SLIT2: variants seen among roughly 807,000 people sequenced by gnomAD.
The protein encoded by SLIT2 is slit guidance ligand 2, also known as slit homolog 2 protein.
In SLIT2, 41 loss-of-function variants were observed where a neutral mutation model predicts 185.7. The observed-to-expected ratio is 0.22, with a 90% confidence interval of 0.17 to 0.29. The LOEUF is 0.29. SLIT2 is among the 10% of genes least tolerant of loss of function. The pLI, the probability that SLIT2 is intolerant of heterozygous loss-of-function variation, is 1.00. For missense variants in SLIT2, 1,571 were observed against 1,909.0 expected, an observed-to-expected ratio of 0.82 and a Z score of 3.30; for synonymous variants, 693 against 680.2, an observed-to-expected ratio of 1.02 and a Z score of -0.29.
At chr4:20,349,657 C>A (rs1347997200) in intron 4 of SLIT2, among the ~76,000 whole-genome samples, 1 of 152,122 alleles carries the variant, frequency 6.6e-6, no homozygotes, top group Non-Finnish European at 1.5e-5. Context: ...CATGAATTCC[C>A]CAAATTGCTT....
rs547598595 is a variant in SLIT2, at chr4:20,458,195, A to G, written c.396-9557A>G. On this transcript the variant is annotated intron_variant, in intron 4 of 36. Transcript: ENST00000504154. The stretch of plus-strand genomic sequence containing the variant: ...TTAACACCAGTGAACTGTACACTTC[A>G]AAGTGGGTGAAATGGTAAATTTCAT... Among the ~76,000 whole-genome samples the G allele has an allele frequency of 5.3e-4, 80 of 152,220 alleles. No individual in the cohort carries two copies. The South Asian group carries it at 0.015, about 28-fold the overall frequency.
chr4:20,452,184 T>C (rs527334220), intron 4 of SLIT2, among the ~76,000 whole-genome samples: 1 of 152,292 alleles, frequency 6.6e-6, no homozygotes, highest in East Asian at 1.9e-4. Flanking sequence ...ACTCCAAGCA[T>C]CTTTTTAAGC....
At chr4:20,466,080 T>C (rs1265482256) in intron 4 of SLIT2, among the ~76,000 whole-genome samples, 4 of 152,114 alleles carry the variant, frequency 2.6e-5, no homozygotes, top group Non-Finnish European at 5.9e-5. Flanking sequence ...TGTAAACAGA[T>C]TCAAATTTTC....
chr4:20,345,537 C>CTTTTTTT (rs149402460), intron 4 of SLIT2, among the ~76,000 whole-genome samples: 17 of 112,312 alleles, frequency 1.5e-4, no homozygotes, highest in South Asian at 2.8e-4. Context: ...TTCCTTTTTT[C>CTTTTTTT]TTTTTTCTTT....
At chr4:20,360,524 C>T (rs1722656731) in intron 4 of SLIT2, among the ~76,000 whole-genome samples, 1 of 152,044 alleles carries the variant, frequency 6.6e-6, no homozygotes. Context: ...AGAACAATAA[C>T]TTTGATTTCA....
intron 3 of SLIT2, among the ~76,000 whole-genome samples, chr4:20,268,173 A>G (rs748359694): frequency 3.3e-5 from 5 of 151,906 alleles, no homozygotes; most frequent in Non-Finnish European, 7.4e-5. Context: ...CAATTTACTT[A>G]GACATTTTAA....
chr4:20,389,792 C>T (rs1045882099), intron 4 of SLIT2, among the ~76,000 whole-genome samples: 1 of 152,058 alleles, frequency 6.6e-6, no homozygotes, highest in East Asian at 1.9e-4. Context: ...TAGAAACACC[C>T]AGGTACCAGT....
chr4:20,354,731 G>A (rs552103775), intron 4 of SLIT2, among the ~76,000 whole-genome samples: 1 of 152,082 alleles, frequency 6.6e-6, no homozygotes, highest in African/African-American at 2.4e-5. Flanking sequence ...AAATGGTAGA[G>A]GAAACTATAG....
chr4:20,596,761 A>C, intron 32 of SLIT2, 106 bp downstream of exon 32: 1 of 1,085,514 alleles, frequency 9.2e-7, no homozygotes, highest in Non-Finnish European at 1.3e-6. Flanking sequence ...TCTTAAATAG[A>C]CAGTTAAAAA....
At chr4:20,539,653 A>G in intron 19 of SLIT2, 69 bp downstream of exon 19, 10 of 967,922 alleles carry the variant, frequency 1.0e-5, no homozygotes, top group Non-Finnish European at 1.4e-5. Flanking sequence ...TATTTAATAT[A>G]TTATTAAGCA....
At chr4:20,301,688 T>A (rs950935371) in intron 4 of SLIT2, among the ~76,000 whole-genome samples, 7 of 152,158 alleles carry the variant, frequency 4.6e-5, no homozygotes, top group Non-Finnish European at 1.0e-4. Context: ...GAGATATTAG[T>A]AGAGGAGGAT....
chr4:20,253,718 C>A lies in SLIT2; in HGVS notation c.-98C>A. The A allele has an allele frequency of 6.9e-7, 1 of 1,446,856 alleles. No individual in the cohort carries two copies. The highest frequency in any genetic ancestry group is 1.3e-5 in the South Asian group (1 of 79,740). 89.6% of individuals were successfully genotyped at this position (1,446,856 alleles called of 1,614,324 possible). ...TTCCCTGGCACTCTGGGTTGCTAGC[C>A]CCGCCGGGCACTGGGCCTCAGACAC... On this transcript the variant is annotated 5_prime_UTR_variant, in exon 1 of 37. Coordinates refer to ENST00000504154, the MANE Select transcript of SLIT2 (RefSeq NM_004787.4).
At chr4:20,547,355 C>T (rs987531821) in intron 22 of SLIT2, among the ~76,000 whole-genome samples, 1 of 151,928 alleles carries the variant, frequency 6.6e-6, no homozygotes, top group Non-Finnish European at 1.5e-5. Flanking sequence ...CAAGCCAGCT[C>T]GAAATGACAA....
intron 4 of SLIT2, among the ~76,000 whole-genome samples, chr4:20,416,732 GA>G (rs1727720906): frequency 6.6e-6 from 1 of 152,150 alleles, no homozygotes; most frequent in African/African-American, 2.4e-5. Context: ...AAACAATTAA[GA>G]AATTTAAGAA....
In SLIT2 at chr4:20,616,933, G is replaced by T. The variant is rs765899590; in HGVS notation, c.3871G>T (p.Ala1291Ser). The T allele has an allele frequency of 6.2e-7, 1 of 1,604,112 alleles. No homozygotes were observed. The highest frequency in any genetic ancestry group is 1.3e-5 in the African/African-American group (1 of 74,760). ...VGGMPGKSNV[A>S]SLRQAPGQNG... ...AGGCATGCCAGGGAAGAGTAACGTG[G>T]CATCTCTGCGCCAGGCCCCTGGGCA... is the stretch of plus-strand genomic sequence containing the variant. The change falls in exon 35 of 37, where the codon GCA becomes TCA. Residue 1291 changes from alanine to serine, a missense_variant. Around this residue, in one of 3 missense-constraint regions of SLIT2, gnomAD observed 146 missense variants for 247.4 expected, o/e 0.59. Transcript: ENST00000504154.
chr4:20,610,277 G>T, intron 34 of SLIT2, 110 bp downstream of exon 34: 1 of 904,172 alleles, frequency 1.1e-6, no homozygotes, highest in Non-Finnish European at 1.6e-6. Context: ...TTGACCAATA[G>T]TGATCAATCA....
intron 18 of SLIT2, 62 bp from the exon 19 acceptor site, chr4:20,539,379 G>C: frequency 6.9e-7 from 1 of 1,455,926 alleles, no homozygotes; most frequent in East Asian, 2.4e-5. Context: ...TCGATCCTCA[G>C]ATAGGCAAAA....
intron 5 of SLIT2, among the ~76,000 whole-genome samples, chr4:20,470,418 A>G (rs80238829): frequency 0.035 from 5,379 of 151,824 alleles, 112 homozygotes; most frequent in East Asian, 0.058. Flanking sequence ...AGGAAACAGA[A>G]AAGTATCGCT....
At chr4:20,339,064 G>GCCTGCAT (rs1322565677) in intron 4 of SLIT2, among the ~76,000 whole-genome samples, 1 of 126,182 alleles carries the variant, frequency 7.9e-6, no homozygotes, top group Non-Finnish European at 1.6e-5. Flanking sequence ...CTGTATTCCA[G>GCCTGCAT]CCTGCATGAT....
Sources: gnomAD v4.1 joint callset for allele counts (sites outside exome capture counted in the v4.1 genomes callset) on GRCh38, gnomAD v4.1.1 for gene constraint, gnomAD v4.1.1 regional missense constraint, MANE v1.5 for transcripts, NCBI Gene and HGNC (gene_info 2026-07-23, HGNC 2026-07-21) for gene names.